The following NPEPPS variants were observed in gnomAD, a reference collection of about 807,000 sequenced individuals.
The protein encoded by NPEPPS is puromycin-sensitive aminopeptidase.
Under a neutral mutation model 115.5 loss-of-function variants are expected in NPEPPS, and 14 were observed. The observed-to-expected ratio is 0.12, with a 90% CI of 0.08 to 0.19. The LOEUF (loss-of-function observed/expected upper bound fraction) is 0.19, where lower values mean the gene tolerates loss of function less well. Among genes scored for constraint, NPEPPS ranks in the 10% least tolerant of loss-of-function variants. The pLI is 1.00. For synonymous variants in NPEPPS, 285 were observed against 390.6 expected (o/e 0.73, Z 3.19); for missense variants, 523 against 1,110.8 (o/e 0.47, Z 7.52).
At chr17:47,590,472 AAAAG>A (rs909487181) in intron 9 of NPEPPS, among the ~76,000 whole-genome samples, 2 of 150,950 alleles carry the variant, frequency 1.3e-5, no homozygotes, top group African/African-American at 4.9e-5. Flanking sequence ...AAAAAAAAAG[AAAAG>A]AAAGGAAAAG....
At chr17:47,608,196 C>T (rs948679390) in intron 17 of NPEPPS, among the ~76,000 whole-genome samples, 3 of 152,072 alleles carry the variant, frequency 2.0e-5, no homozygotes, top group African/African-American at 7.2e-5. Context: ...AGCTCACACC[C>T]GTAATCCCAG....
intron 2 of NPEPPS, among the ~76,000 whole-genome samples, chr17:47,568,241 G>T (rs1910958327): frequency 6.7e-6 from 1 of 150,358 alleles, no homozygotes; most frequent in East Asian, 2.0e-4. Flanking sequence ...TCGGCTCACT[G>T]CAACCTCCGC....
At chr17:47,569,991 T>C (rs1911097851) in intron 3 of NPEPPS, among the ~76,000 whole-genome samples, 1 of 152,292 alleles carries the variant, frequency 6.6e-6, no homozygotes, top group South Asian at 2.1e-4. Context: ...GAAGTTGGGC[T>C]ACGAAAAGCA....
chr17:47,610,915 A>G lies in NPEPPS; in HGVS notation c.2096-1545A>G, dbSNP rs1230733581. ...GTCTCCAGGTTGGAGTGCAGTGGGC[A>G]TGATCTCAGCTCACTGCAACCTCCG... On this transcript the variant is annotated intron_variant, in intron 17 of 22. Coordinates refer to ENST00000322157, the MANE Select transcript of NPEPPS (RefSeq NM_006310.4). 2.5e-5 allele frequency among the ~76,000 whole-genome samples: 3 copies of G among 122,388 alleles called. No individual in the cohort carries two copies. In the East Asian group the frequency reaches 8.2e-4, roughly 33 times the overall value. 80.3% of individuals were successfully genotyped at this position (122,388 alleles called of 152,430 possible). A position where few individuals can be genotyped will look rare whatever the true frequency, so the allele number is the denominator to read the frequency against.
intron 1 of NPEPPS, among the ~76,000 whole-genome samples, chr17:47,538,202 C>T (rs145878669): frequency 2.6e-3 from 151 of 58,110 alleles, no homozygotes; most frequent in East Asian, 7.1e-3. Context: ...CATATCTGTT[C>T]TTTTTTTTTT....
At chr17:47,534,107 T>G (rs1908017404) in intron 1 of NPEPPS, among the ~76,000 whole-genome samples, 1 of 152,204 alleles carries the variant, frequency 6.6e-6, no homozygotes, top group Non-Finnish European at 1.5e-5. Context: ...CTTTTTTTTT[T>G]TTGAGATGGA....
At chr17:47,577,341 A>C (rs1244397928) in intron 3 of NPEPPS, among the ~76,000 whole-genome samples, 2 of 152,144 alleles carry the variant, frequency 1.3e-5, no homozygotes, top group East Asian at 3.8e-4. Flanking sequence ...AAATTCCATC[A>C]TATAGTTTCC....
rs541897545 is a variant in NPEPPS, at chr17:47,559,468, C to T, written c.341-9949C>T. 20 of 193,574 alleles carry T rather than the reference C, an allele frequency of 1.0e-4. No individual in the cohort carries two copies. The East Asian group carries it at 2.4e-3, about 23-fold the overall frequency. The allele number at this position is 193,574 out of a possible 1,614,324, so 12.0% of individuals were successfully genotyped here. A position where few individuals can be genotyped will look rare whatever the true frequency, so the allele number is the denominator to read the frequency against. On this transcript the variant is annotated intron_variant, in intron 2 of 22. Coordinates refer to ENST00000322157, the MANE Select transcript of NPEPPS (RefSeq NM_006310.4). ...TTTGTTTGTTTTTTTAAAGTAACTTCGCGTTACTTGCCAAATTTTTCAGGA... is the reference window on the plus strand; with the variant it reads ...TTTGTTTGTTTTTTTAAAGTAACTTTGCGTTACTTGCCAAATTTTTCAGGA...
At chr17:47,569,179 T>A (rs1461374963) in intron 2 of NPEPPS, among the ~76,000 whole-genome samples, 3 of 152,142 alleles carry the variant, frequency 2.0e-5, no homozygotes, top group Admixed American at 1.3e-4. Flanking sequence ...TTCCTGTACA[T>A]CACTGACGTT....
chr17:47,548,916 G>A (rs146602145), intron 2 of NPEPPS, among the ~76,000 whole-genome samples: 3,081 of 152,214 alleles, frequency 0.02, 57 homozygotes, highest in Non-Finnish European at 0.031. Context: ...ATGTTGCTAA[G>A]CTCATAATGA....
At chr17:47,554,804 A>T (rs1430683888) in intron 2 of NPEPPS, among the ~76,000 whole-genome samples, 1 of 152,210 alleles carries the variant, frequency 6.6e-6, no homozygotes, top group Non-Finnish European at 1.5e-5. Flanking sequence ...ATTGACAGTC[A>T]ATCTGATAAC....
At position 47,622,033 on chromosome 17, in the gene NPEPPS, G is replaced by C. The variant is rs1020016695; in HGVS notation, c.*113G>C. 51 of 1,357,228 alleles carry C rather than the reference G, an allele frequency of 3.8e-5. No individual in the cohort carries two copies. In the African/African-American group the frequency reaches 7.3e-4, roughly 19 times the overall value. 84.1% of individuals were successfully genotyped at this position (1,357,228 alleles called of 1,614,324 possible). A position where few individuals can be genotyped will look rare whatever the true frequency, so the allele number is the denominator to read the frequency against. The stretch of plus-strand genomic sequence containing the variant: ...TTGGAGTCTTCTTTCAAACCAGTGG[G>C]GGTTGGACAATGAATGTAGTTAACT... On this transcript the variant is annotated 3_prime_UTR_variant, in exon 23 of 23. Coordinates refer to ENST00000322157, the MANE Select transcript of NPEPPS (RefSeq NM_006310.4).
At chr17:47,616,497 C>G (rs1333912843) in intron 19 of NPEPPS, among the ~76,000 whole-genome samples, 1 of 151,670 alleles carries the variant, frequency 6.6e-6, no homozygotes, top group African/African-American at 2.4e-5. Flanking sequence ...CAGCCTGGCC[C>G]AAATGGTGAA....
At chr17:47,557,020 G>C (rs1393243683) in intron 2 of NPEPPS, among the ~76,000 whole-genome samples, 2 of 151,982 alleles carry the variant, frequency 1.3e-5, no homozygotes, top group Non-Finnish European at 2.9e-5. Flanking sequence ...TTGCTTTGTA[G>C]ACCTCAGTTG....
intron 3 of NPEPPS, among the ~76,000 whole-genome samples, chr17:47,570,074 A>G (rs1911103989): frequency 1.3e-5 from 2 of 152,142 alleles, no homozygotes; most frequent in Non-Finnish European, 2.9e-5. Context: ...AAAACTAAAG[A>G]TCATTCTATC....
chr17:47,590,456 CAA>C (rs59183684), intron 9 of NPEPPS, among the ~76,000 whole-genome samples: 87 of 135,968 alleles, frequency 6.4e-4, no homozygotes, highest in Non-Finnish European at 7.9e-4. Context: ...GACTTTGTCT[CAA>C]AAAAAAAAAA....
At position 47,621,803 on chromosome 17, in the gene NPEPPS, G is replaced by A; in HGVS notation, c.2643G>A (p.Glu881=). Residue 881 remains glutamate, a synonymous_variant, in exon 23 of 23, where the codon GAG becomes GAA. Coordinates refer to ENST00000322157, the MANE Select transcript of NPEPPS (RefSeq NM_006310.4). ...AGAGTCACCCAGCTCCTTCAGCTGA[G>A]CGTACCATCCAGCAGTGTTGTGAAA... The part of the protein sequence containing the change: ...FFESHPAPSA[E]RTIQQCCENI... 6.2e-7 allele frequency: 1 copy of A among 1,613,122 alleles called. No individual in the cohort carries two copies. Among genetic ancestry groups the A allele is most frequent in the Non-Finnish European group, 8.5e-7 (1 of 1,179,190 alleles).
chr17:47,578,115 T>C (rs1207347498), intron 3 of NPEPPS, among the ~76,000 whole-genome samples: 1 of 150,758 alleles, frequency 6.6e-6, no homozygotes, highest in African/African-American at 2.4e-5. Flanking sequence ...TGAGGCACAA[T>C]TGCTTGAACC....
chr17:47,617,519 G>A (rs1308308338), intron 19 of NPEPPS, among the ~76,000 whole-genome samples: 6 of 142,720 alleles, frequency 4.2e-5, no homozygotes, highest in Non-Finnish European at 9.4e-5. Context: ...ATATTTTTTA[G>A]GATAATTCTG....
Sources: allele counts gnomAD v4.1 joint callset (sites outside exome capture counted in the v4.1 genomes callset), GRCh38; gene constraint gnomAD v4.1.1; transcripts MANE v1.5; gene names NCBI Gene and HGNC (gene_info 2026-07-23, HGNC 2026-07-21).